The following LSAMP variants were observed in gnomAD, a reference collection of about 807,000 sequenced individuals.
The protein encoded by LSAMP is limbic system associated membrane protein.
A neutral mutation model predicts 38.6 loss-of-function variants in LSAMP; 7 were observed. That is an observed-to-expected ratio of 0.18 (90% CI 0.10 to 0.34). The LOEUF (loss-of-function observed/expected upper bound fraction) is 0.34. Ranked by LOEUF, LSAMP falls within the 10% of genes least tolerant of loss-of-function variation. The pLI is 1.00. For missense variants in LSAMP, 313 were observed against 420.0 expected (o/e 0.75, Z 2.23); for synonymous variants, 154 against 166.8 (o/e 0.92, Z 0.59).
intron 1 of LSAMP, among the ~76,000 whole-genome samples, chr3:116,132,667 C>T (rs1277202762): frequency 6.6e-6 from 1 of 152,132 alleles, no homozygotes; most frequent in Non-Finnish European, 1.5e-5. Context: ...CTTATTCTCT[C>T]CTTTTTCCCT....
At chr3:116,276,497 G>C (rs2047053056) in intron 1 of LSAMP, among the ~76,000 whole-genome samples, 1 of 147,244 alleles carries the variant, frequency 6.8e-6, no homozygotes, top group Non-Finnish European at 1.5e-5. Context: ...GCATAAGAAT[G>C]ATACAATGGA....
At chr3:116,352,188 C>A (rs998072229) in intron 1 of LSAMP, among the ~76,000 whole-genome samples, 3 of 152,028 alleles carry the variant, frequency 2.0e-5, no homozygotes, top group Non-Finnish European at 4.4e-5. Context: ...GGGTAGTCAA[C>A]ACAAAGGGAA....
intron 2 of LSAMP, among the ~76,000 whole-genome samples, chr3:116,031,526 C>T (rs796102452): frequency 3.1e-4 from 36 of 115,466 alleles, no homozygotes; most frequent in African/African-American, 1.0e-3. Context: ...GCCTACATAA[C>T]TAGCCTAAAT....
chr3:116,381,687 G>C (rs1249768639), intron 1 of LSAMP, among the ~76,000 whole-genome samples: 1 of 152,042 alleles, frequency 6.6e-6, no homozygotes, highest in Non-Finnish European at 1.5e-5. Context: ...GCTACTTAGG[G>C]TTATGTTGCT....
rs547358913 is a variant in LSAMP at position 116,021,819 on chromosome 3, T to G, written c.389-2179A>C. Among the ~76,000 whole-genome samples the G allele has an allele frequency of 9.9e-5, 15 of 152,174 alleles. No individual in the cohort carries two copies. The East Asian group carries it at 2.7e-3, about 27-fold the overall frequency. ...TCACAATCTCTCTCTCTCGGTGTTT[T>G]TTTTTTAAATAAAAGGAGATAGAGC... On this transcript the variant is annotated intron_variant, in intron 2 of 6. Transcript: ENST00000490035.
At chr3:116,302,680 AG>A (rs1317117266) in intron 1 of LSAMP, among the ~76,000 whole-genome samples, 1 of 152,236 alleles carries the variant, frequency 6.6e-6, no homozygotes, top group Non-Finnish European at 1.5e-5. Flanking sequence ...AGTCATTCAA[AG>A]TTACAGATCT....
intron 3 of LSAMP, among the ~76,000 whole-genome samples, chr3:115,900,787 G>A (rs539933249): frequency 1.1e-4 from 17 of 152,166 alleles, no homozygotes; most frequent in Admixed American, 1.0e-3. Context: ...ACCATTATTC[G>A]CTTTCAGGTA....
rs185405866 is a variant in LSAMP, at chr3:116,269,309, T to C, written c.155+175568A>G. Among the ~76,000 whole-genome samples, 60 of 152,242 alleles carry C rather than the reference T, an allele frequency of 3.9e-4. 1 individual carries two copies. The East Asian group carries it at 0.011, about 28-fold the overall frequency. ...TTTATATAATGCTAATGGCAATCTC[T>C]CTTATTAAATGTTAAATAAAATATG... is the stretch of plus-strand genomic sequence containing the variant. On this transcript the variant is annotated intron_variant, in intron 1 of 6. Transcript: ENST00000490035.
At chr3:116,088,797 T>C (rs186365772) in intron 1 of LSAMP, among the ~76,000 whole-genome samples, 9 of 152,292 alleles carry the variant, frequency 5.9e-5, no homozygotes, top group Non-Finnish European at 1.3e-4. Context: ...TAATATAGCT[T>C]ACCTAAATAT....
chr3:116,376,542 G>A (rs183373538), intron 1 of LSAMP, among the ~76,000 whole-genome samples: 41 of 152,062 alleles, frequency 2.7e-4, no homozygotes, highest in Middle Eastern at 3.4e-3. Flanking sequence ...GGTTCTTTGG[G>A]TTCATCCAAA....
rs1367330364 is a variant in LSAMP, at chr3:115,885,663, C to T, written c.515-33046G>A. 3.3e-5 allele frequency among the ~76,000 whole-genome samples: 5 copies of T among 149,974 alleles called. No homozygotes were observed. In the South Asian group the frequency reaches 1.0e-3, roughly 31 times the overall value. ...TGGGTGGGGGGACAAGTATCTGCTG[C>T]ATAAAGCAAGATAGATGCTTCTTAT... On this transcript the variant is annotated intron_variant, in intron 3 of 6. Coordinates refer to ENST00000490035, the MANE Select transcript of LSAMP (RefSeq NM_002338.5).
At chr3:116,288,394 T>G (rs1315501172) in intron 1 of LSAMP, among the ~76,000 whole-genome samples, 1 of 152,204 alleles carries the variant, frequency 6.6e-6, no homozygotes. Flanking sequence ...GAACTGCCAT[T>G]TAGCCAGTGC....
At chr3:115,946,521 T>C (rs1186437333) in intron 3 of LSAMP, among the ~76,000 whole-genome samples, 1 of 152,228 alleles carries the variant, frequency 6.6e-6, no homozygotes, top group East Asian at 1.9e-4. Flanking sequence ...TTTGCGCCAG[T>C]AAATTAAAAA....
At chr3:115,939,584 C>CTTTCTTTCTTTCTTTCTTTCTCTT (rs1576237854) in intron 3 of LSAMP, among the ~76,000 whole-genome samples, 1 of 131,806 alleles carries the variant, frequency 7.6e-6, no homozygotes, top group African/African-American at 2.7e-5. Flanking sequence ...TTCTTTCTTT[C>CTTTCTTTCTTTCTTTCTTTCTCTT]TGTTAAGAGA....
intron 6 of LSAMP, among the ~76,000 whole-genome samples, chr3:115,836,576 T>C (rs1476561673): frequency 2.0e-5 from 3 of 152,172 alleles, no homozygotes; most frequent in Non-Finnish European, 4.4e-5. Flanking sequence ...GTTGGCCCTA[T>C]ATATGCTGTG....
At chr3:116,072,854 T>C (rs866983099) in intron 2 of LSAMP, among the ~76,000 whole-genome samples, 6 of 151,510 alleles carry the variant, frequency 4.0e-5, no homozygotes, top group African/African-American at 9.7e-5. Flanking sequence ...ATTCTGTAGA[T>C]TGTCTGTTTA....
intron 3 of LSAMP, among the ~76,000 whole-genome samples, chr3:115,950,320 T>C (rs1938240620): frequency 1.3e-5 from 2 of 152,086 alleles, no homozygotes; most frequent in African/African-American, 2.4e-5. Flanking sequence ...GATATAATCA[T>C]ATACCTAGAA....
At chr3:116,138,728 C>G (rs1920373) in intron 1 of LSAMP, among the ~76,000 whole-genome samples, 1 of 151,630 alleles carries the variant, frequency 6.6e-6, no homozygotes, top group African/African-American at 2.4e-5. Flanking sequence ...TCAATATGTT[C>G]TTATTTTCTG....
intron 1 of LSAMP, among the ~76,000 whole-genome samples, chr3:116,261,152 A>T (rs1022605465): frequency 2.6e-5 from 4 of 152,194 alleles, no homozygotes; most frequent in African/African-American, 7.2e-5. Flanking sequence ...GATAGTGATC[A>T]TGCATATTCC....
Sources: gnomAD v4.1 joint callset for allele counts (sites outside exome capture counted in the v4.1 genomes callset) on GRCh38, gnomAD v4.1.1 for gene constraint, MANE v1.5 for transcripts, NCBI Gene and HGNC (gene_info 2026-07-23, HGNC 2026-07-21) for gene names.